CLVS1: variants seen among roughly 807,000 people sequenced by gnomAD.
CLVS1 encodes clavesin-1.
CLVS1 carries 10 observed loss-of-function variants against 33.1 expected under a neutral mutation model. That is an observed-to-expected ratio of 0.30 (90% CI 0.19 to 0.51). The LOEUF is 0.51. Ranked by LOEUF, CLVS1 falls within the 20% of genes least tolerant of loss-of-function variation. The probability of loss-of-function intolerance (pLI) is 0.97; values close to 1 mark genes in which losing one functional copy is unlikely to be tolerated. For synonymous variants in CLVS1, 163 were observed against 166.1 expected (o/e 0.98, Z 0.14); for missense variants, 343 against 433.4 (o/e 0.79, Z 1.85).
At chr8:61,296,398 T>A (rs528886611) in intron 1 of CLVS1, among the ~76,000 whole-genome samples, 1 of 152,346 alleles carries the variant, frequency 6.6e-6, no homozygotes, top group East Asian at 1.9e-4. Flanking sequence ...CATAGTAAAT[T>A]ATCTCAGAAA....
chr8:61,219,798 T>C (rs555373521), intron 2 of CLVS1, among the ~76,000 whole-genome samples: 2 of 152,328 alleles, frequency 1.3e-5, no homozygotes, highest in East Asian at 3.9e-4. Context: ...CTCCACAGCC[T>C]TGCCAGGATC....
chr8:61,221,197 C>A lies in CLVS1; in HGVS notation c.-151-78480C>A, dbSNP rs191824695. 2.8e-3 allele frequency among the ~76,000 whole-genome samples: 420 copies of A among 152,270 alleles called. 2 individuals are homozygous for A. The highest frequency in any genetic ancestry group is 4.1e-3 in the Non-Finnish European group (276 of 68,034). On this transcript the variant is annotated intron_variant, in intron 2 of 2. Coordinates refer to the CLVS1 transcript ENST00000522621. ...TATTTCTCTTTCTTGCCTGGTTGCCCTGGCCAGCACTTCCAATTCTATGTT... is the reference window on the plus strand; with the variant it reads ...TATTTCTCTTTCTTGCCTGGTTGCCATGGCCAGCACTTCCAATTCTATGTT...
chr8:61,215,470 G>A (rs1438949520), intron 2 of CLVS1, among the ~76,000 whole-genome samples: 2 of 152,058 alleles, frequency 1.3e-5, no homozygotes, highest in Non-Finnish European at 2.9e-5. Flanking sequence ...ATTATATTGG[G>A]TCAACCTCAT....
intron 2 of CLVS1, chr8:61,301,099 C>G (rs938182311): frequency 3.9e-5 from 6 of 152,096 alleles, no homozygotes; most frequent in Non-Finnish European, 5.9e-5. Flanking sequence ...CCAGGGTGAC[C>G]CTTCCAAAAT....
At chr8:61,229,034 C>T (rs781001024) in intron 2 of CLVS1, among the ~76,000 whole-genome samples, 2 of 152,164 alleles carry the variant, frequency 1.3e-5, no homozygotes, top group Non-Finnish European at 2.9e-5. Context: ...CCCTTTTCTC[C>T]ACATCCCACA....
chr8:61,392,334 G>GAA (rs112096872), intron 3 of CLVS1, among the ~76,000 whole-genome samples: 2 of 145,138 alleles, frequency 1.4e-5, no homozygotes, highest in African/African-American at 5.0e-5. Flanking sequence ...CCCATCTCAG[G>GAA]AAAAAAAAAA....
chr8:61,190,170 T>A (rs552717370), intron 2 of CLVS1, among the ~76,000 whole-genome samples: 17 of 152,184 alleles, frequency 1.1e-4, no homozygotes, highest in African/African-American at 1.9e-4. Flanking sequence ...TATAACAAAC[T>A]GTCTCTCAGA....
the CLVS1 span, among the ~76,000 whole-genome samples, chr8:60,982,079 A>G: frequency 6.6e-6 from 1 of 152,220 alleles, no homozygotes; most frequent in Non-Finnish European, 1.5e-5. Flanking sequence ...AACAGAGAAA[A>G]TGTGTAATTC....
At chr8:61,129,947 A>G (rs564653278) in intron 1 of CLVS1, among the ~76,000 whole-genome samples, 4 of 152,258 alleles carry the variant, frequency 2.6e-5, no homozygotes, top group Middle Eastern at 3.4e-3. Flanking sequence ...CAATTGATTC[A>G]AGAGTTAAGG....
intron 2 of CLVS1, among the ~76,000 whole-genome samples, chr8:61,189,762 A>C (rs1472927686): frequency 2.0e-5 from 3 of 152,208 alleles, no homozygotes; most frequent in Non-Finnish European, 2.9e-5. Context: ...AACAAAGATC[A>C]AAAGAGACAA....
At chr8:61,490,491 AC>A (rs2129608584) in intron 5 of CLVS1, among the ~76,000 whole-genome samples, 1 of 151,390 alleles carries the variant, frequency 6.6e-6, no homozygotes, top group African/African-American at 2.4e-5. Flanking sequence ...ACACGGTGAA[AC>A]CCCATCTCTA....
chr8:61,406,581 T>C (rs1208037313), intron 3 of CLVS1, among the ~76,000 whole-genome samples: 1 of 151,858 alleles, frequency 6.6e-6, no homozygotes, highest in Admixed American at 6.6e-5. Context: ...TTAATTCACA[T>C]GATTCCAGGA....
intron 2 of CLVS1, among the ~76,000 whole-genome samples, chr8:61,183,671 G>C (rs114046429): frequency 6.6e-6 from 1 of 152,110 alleles, no homozygotes; most frequent in Non-Finnish European, 1.5e-5. Context: ...GGCAGAATCA[G>C]ACCTTCAGAA....
At chr8:61,337,200 G>C (rs1205970875) in intron 2 of CLVS1, among the ~76,000 whole-genome samples, 2 of 152,138 alleles carry the variant, frequency 1.3e-5, no homozygotes, top group Non-Finnish European at 2.9e-5. Flanking sequence ...TTAAGGGCAG[G>C]TTCGGCCCTA....
intron 2 of CLVS1, among the ~76,000 whole-genome samples, chr8:61,222,666 G>C (rs1808240976): frequency 6.6e-6 from 1 of 152,196 alleles, no homozygotes; most frequent in Non-Finnish European, 1.5e-5. Flanking sequence ...ATTTGGGGTA[G>C]AGAGTTCGGT....
chr8:61,163,952 A>C (rs1280131541), intron 2 of CLVS1, among the ~76,000 whole-genome samples: 2 of 152,194 alleles, frequency 1.3e-5, no homozygotes, highest in African/African-American at 4.8e-5. Flanking sequence ...TGCAAGATTT[A>C]ACAGAGTGAA....
the CLVS1 span, among the ~76,000 whole-genome samples, chr8:60,985,509 T>C: frequency 6.6e-6 from 1 of 152,170 alleles, no homozygotes; most frequent in African/African-American, 2.4e-5. Context: ...CCCTTTCCTG[T>C]CATCTTGACT....
intron 2 of CLVS1, among the ~76,000 whole-genome samples, chr8:61,139,577 C>T (rs1291437631): frequency 6.6e-6 from 1 of 152,184 alleles, no homozygotes; most frequent in East Asian, 1.9e-4. Flanking sequence ...GGCTAAGGAC[C>T]CAGGGCCCGT....
chr8:61,182,500 C>A (rs996896758), intron 2 of CLVS1, among the ~76,000 whole-genome samples: 1 of 152,092 alleles, frequency 6.6e-6, no homozygotes, highest in African/African-American at 2.4e-5. Flanking sequence ...AAACAAACAA[C>A]CCCATCCAAA....
Sources: gnomAD v4.1 joint callset for allele counts (sites outside exome capture counted in the v4.1 genomes callset) on GRCh38, gnomAD v4.1.1 for gene constraint, MANE v1.5 for transcripts, NCBI Gene and HGNC (gene_info 2026-07-23, HGNC 2026-07-21) for gene names.